The following IRS1 variants were observed in gnomAD, a reference collection of about 807,000 sequenced individuals.
IRS1 encodes the protein insulin receptor substrate 1.
A neutral mutation model predicts 65.6 loss-of-function variants in IRS1; 34 were observed. The observed-to-expected ratio is 0.52, with a 90% CI of 0.39 to 0.69. The LOEUF is 0.69. Among genes scored for constraint, IRS1 ranks in the 30% least tolerant of loss-of-function variants. The pLI, the probability that IRS1 is intolerant of heterozygous loss-of-function variation, is 0.00. For missense variants in IRS1, 1,641 were observed against 1,720.2 expected, an observed-to-expected ratio of 0.95 and a Z score of 0.81; for synonymous variants, 699 against 683.5, an observed-to-expected ratio of 1.02 and a Z score of -0.35.
chr2:226,756,963 A>T (rs1189073271), intron 1 of IRS1, among the ~76,000 whole-genome samples: 2 of 109,098 alleles, frequency 1.8e-5, no homozygotes, highest in African/African-American at 9.2e-5. Context: ...TCCGTCTAAT[A>T]AATAAATAAA....
intron 1 of IRS1, among the ~76,000 whole-genome samples, chr2:226,742,133 A>G (rs776923364): frequency 3.8e-4 from 58 of 152,218 alleles, no homozygotes; most frequent in Non-Finnish European, 6.3e-4. Context: ...GAGAGCCTCT[A>G]AAGTCTGGGA....
rs958582927 is a variant in IRS1, at chr2:226,797,837, C to T, written c.902G>A (p.Arg301His). Reference protein sequence around the residue: ...NPPPSQVGLTRRSRTESITAT... With the variant: ...NPPPSQVGLTHRSRTESITAT... The stretch of plus-strand genomic sequence containing the variant: ...GGTGATGCTCTCAGTGCGTGATCGG[C>T]GGGTCAGCCCCACCTGGCTGGGCGG... The change falls in exon 1 of 2, where the codon CGC becomes CAC. Residue 301 changes from arginine to histidine, a missense_variant. This residue lies in a region of IRS1 where 1,324 missense variants were observed against 1,361.0 expected (regional missense o/e 0.97). Coordinates refer to ENST00000305123, the MANE Select transcript of IRS1 (RefSeq NM_005544.3). The surrounding 1 kb of genome is among the most constrained non-coding windows in gnomAD (Gnocchi z 8.1). 7 of 1,599,928 alleles carry T rather than the reference C, an allele frequency of 4.4e-6. No homozygotes were observed. The highest frequency in any genetic ancestry group is 4.5e-5 in the East Asian group (2 of 44,772).
At chr2:226,748,871 A>G (rs1938613276) in intron 1 of IRS1, among the ~76,000 whole-genome samples, 1 of 152,232 alleles carries the variant, frequency 6.6e-6, no homozygotes, top group Non-Finnish European at 1.5e-5. Context: ...CAATGAACAG[A>G]ACAAGTTGAT....
Position 226,797,643 on chromosome 2 carries a change from G to A in IRS1, c.1096C>T (p.His366Tyr), listed in dbSNP as rs1274268803. 10 of 1,590,262 alleles carry A rather than the reference G, an allele frequency of 6.3e-6. No homozygotes were observed. Among genetic ancestry groups the A allele is most frequent in the South Asian group, 5.6e-5 (5 of 88,852 alleles). Residue 366 changes from histidine to tyrosine, a missense_variant, in exon 1 of 2, where the codon CAC (histidine) becomes TAC (tyrosine). Coordinates refer to ENST00000305123, the MANE Select transcript of IRS1 (RefSeq NM_005544.3). This position sits in a 1 kb window ranked among gnomAD's most constrained non-coding sequence, Gnocchi z 8.1. ...AHRHRGSARL[H>Y]PPLNHSRSIP... is the part of the protein sequence containing the mutation. ...GAGCGGCTGTGGTTGAGCGGGGGGT[G>A]CAGCCGGGCGCTGCCCCGATGCCGG... is the stretch of plus-strand genomic sequence containing the variant.
intron 1 of IRS1, among the ~76,000 whole-genome samples, chr2:226,756,532 T>G (rs72965939): frequency 7.9e-5 from 12 of 152,300 alleles, no homozygotes; most frequent in Non-Finnish European, 1.6e-4. Flanking sequence ...GGACACATGG[T>G]TTTTTAAATC....
Position 226,799,538 on chromosome 2 carries a change from C to A in IRS1, c.-800G>T. The A allele has an allele frequency of 9.3e-7, 1 of 1,073,098 alleles. No homozygotes were observed. The highest frequency in any genetic ancestry group is 1.1e-6 in the Non-Finnish European group (1 of 871,922). 66.5% of individuals were successfully genotyped at this position (1,073,098 alleles called of 1,614,324 possible). On this transcript the variant is annotated 5_prime_UTR_variant, in exon 1 of 2. Transcript: ENST00000305123. The surrounding 1 kb of genome is among the most constrained non-coding windows in gnomAD (Gnocchi z 6.1). ...GACAGACTCATCCCTGCCCCTCGCT[C>A]CAGGCGGCTGGGGAGGAGGGGAGGG...
At chr2:226,761,159 T>C (rs563206220) in intron 1 of IRS1, among the ~76,000 whole-genome samples, 7 of 152,352 alleles carry the variant, frequency 4.6e-5, no homozygotes, top group South Asian at 4.1e-4. Context: ...TATATTGAGC[T>C]ACACCACCTA....
Position 226,798,271 on chromosome 2 carries a change from T to C in IRS1, c.468A>G (p.Pro156=). ...GEDLSYGDVP[P]GPAFKEVWQV... is the part of the protein sequence containing the mutation. ...GCCAGACCTCTTTGAATGCGGGTCCTGGGGGCACGTCACCGTAGCTCAAGT... is the reference window on the plus strand; with the variant it reads ...GCCAGACCTCTTTGAATGCGGGTCCCGGGGGCACGTCACCGTAGCTCAAGT... Residue 156 remains proline, a synonymous_variant, in exon 1 of 2, where the codon CCA becomes CCG. Transcript: ENST00000305123. This position sits in a 1 kb window ranked among gnomAD's most constrained non-coding sequence, Gnocchi z 9.4. The C allele has an allele frequency of 6.2e-7, 1 of 1,613,192 alleles. No homozygotes were observed. The highest frequency in any genetic ancestry group is 8.5e-7 in the Non-Finnish European group (1 of 1,179,900).
In IRS1 at chr2:226,794,104, G is replaced by A. The variant is rs531302392; in HGVS notation, c.*21+885C>T. Among the ~76,000 whole-genome samples the A allele has an allele frequency of 6.6e-6, 1 of 152,272 alleles. No homozygotes were observed. Among genetic ancestry groups the A allele is most frequent in the African/African-American group, 2.4e-5 (1 of 41,540 alleles). Reference sequence around the variant, plus strand: ...TATGCATTCTTCTCAACAAATAAAAGTAATTTTACAGAAGATATATAGTAG... The same window carrying A: ...TATGCATTCTTCTCAACAAATAAAAATAATTTTACAGAAGATATATAGTAG... On this transcript the variant is annotated intron_variant, in intron 1 of 1. Coordinates refer to ENST00000305123, the MANE Select transcript of IRS1 (RefSeq NM_005544.3). The surrounding 1 kb of genome is among the most constrained non-coding windows in gnomAD (Gnocchi z 4.1).
In IRS1 at chr2:226,742,798, G is replaced by C. The variant is rs1370606183; in HGVS notation, c.*22-6548C>G. ...TACTGGGCTGAATTCTGTCAGTCTC[G>C]TGAATTTCTCCTTCCCCAGCTACCA... On this transcript the variant is annotated intron_variant, in intron 1 of 1. Coordinates refer to ENST00000305123, the MANE Select transcript of IRS1 (RefSeq NM_005544.3). Among the ~76,000 whole-genome samples, 3 of 151,884 alleles carry C rather than the reference G, an allele frequency of 2.0e-5. No individual in the cohort carries two copies. The South Asian group carries it at 6.2e-4, about 32-fold the overall frequency.
chr2:226,776,913 T>A (rs562663617), intron 1 of IRS1, among the ~76,000 whole-genome samples: 1 of 152,028 alleles, frequency 6.6e-6, no homozygotes, highest in South Asian at 2.1e-4. Flanking sequence ...GTGGTCTTCA[T>A]CCCCAAAACA....
chr2:226,754,489 C>T (rs1376564553), intron 1 of IRS1, among the ~76,000 whole-genome samples: 1 of 152,178 alleles, frequency 6.6e-6, no homozygotes, highest in Admixed American at 6.5e-5. Context: ...CATTATCATT[C>T]CTGTTTTAAA....
At position 226,795,334 on chromosome 2, in the gene IRS1, G is replaced by C; in HGVS notation, c.3405C>G (p.Ser1135Arg). ...CAGAGCTGTGGCGTTTCACATCCTC[G>C]CTGCTGCTGCTGCTACCGCCACCGC... ...VGGGGGSSSS[S>R]EDVKRHSSAS... Residue 1135 changes from serine to arginine, a missense_variant, in exon 1 of 2, where the codon AGC (serine) becomes AGG (arginine). Transcript: ENST00000305123. 1.2e-6 allele frequency: 2 copies of C among 1,611,614 alleles called. No individual in the cohort carries two copies. The highest frequency in any genetic ancestry group is 1.7e-6 in the Non-Finnish European group (2 of 1,179,238).
intron 1 of IRS1, among the ~76,000 whole-genome samples, chr2:226,761,598 T>C (rs1270415012): frequency 1.3e-5 from 2 of 152,190 alleles, no homozygotes; most frequent in African/African-American, 4.8e-5. Context: ...TATCAAACTT[T>C]AAATCGAATA....
intron 1 of IRS1, among the ~76,000 whole-genome samples, chr2:226,793,276 T>G (rs1939644617): frequency 6.6e-6 from 1 of 152,182 alleles, no homozygotes; most frequent in Non-Finnish European, 1.5e-5. Context: ...AAAACCAAAA[T>G]TTTAGTTCTG....
chr2:226,799,502 C>G lies in IRS1; in HGVS notation c.-764G>C. 1 of 1,139,042 alleles carries G rather than the reference C, an allele frequency of 8.8e-7. No homozygotes were observed. The highest frequency in any genetic ancestry group is 1.1e-6 in the Non-Finnish European group (1 of 907,988). 70.6% of individuals were successfully genotyped at this position (1,139,042 alleles called of 1,614,324 possible). ...ACCGGGCAGCCACTGCAGCTGGGGA[C>G]CGGCCGGAGGGACAGACTCATCCCT... On this transcript the variant is annotated 5_prime_UTR_variant, in exon 1 of 2. Transcript: ENST00000305123. The surrounding 1 kb of genome is among the most constrained non-coding windows in gnomAD (Gnocchi z 6.1).
Position 226,796,588 on chromosome 2 carries a change from TG to T in IRS1, c.2150del (p.Pro717GlnfsTer17). The T allele has an allele frequency of 6.2e-7, 1 of 1,613,996 alleles. No individual in the cohort carries two copies. Among genetic ancestry groups the T allele is most frequent in the Non-Finnish European group, 8.5e-7 (1 of 1,179,958 alleles). On this transcript the variant is annotated frameshift_variant, in exon 1 of 2. Transcript: ENST00000305123. LOFTEE classifies it high-confidence loss of function. ...AGAGCTTACCACCGCTGCTCTCCAC[TG>T]GGGGTTTGGGGTGAGGCAAGACATG... ...HSHVLPHPKP[P>X]VESSGGKLLP... is the part of the protein sequence containing the mutation.
chr2:226,767,530 A>T (rs2106170101), intron 1 of IRS1, among the ~76,000 whole-genome samples: 1 of 152,320 alleles, frequency 6.6e-6, no homozygotes, highest in South Asian at 2.1e-4. Flanking sequence ...TGCTTTAAAG[A>T]AACCAGAGCA....
In IRS1 at chr2:226,797,800, C is replaced by T. The variant is rs1939775272; in HGVS notation, c.939G>A (p.Pro313=). ...SRTESITATS[P]ASMVGGKPGS... ...CTGGCTTCCCGCCCACCATGCTGGC[C>T]GGGGAGGTGGCGGTGATGCTCTCAG... Residue 313 remains proline, a synonymous_variant, in exon 1 of 2, where the codon CCG becomes CCA. Transcript: ENST00000305123. This position sits in a 1 kb window ranked among gnomAD's most constrained non-coding sequence, Gnocchi z 8.1. The T allele has an allele frequency of 1.3e-6, 2 of 1,599,398 alleles. No individual in the cohort carries two copies. The highest frequency in any genetic ancestry group is 8.5e-7 in the Non-Finnish European group (1 of 1,174,450).
Sources: allele counts gnomAD v4.1 joint callset (sites outside exome capture counted in the v4.1 genomes callset), GRCh38; gene constraint gnomAD v4.1.1; regional missense constraint gnomAD v4.1.1; non-coding constraint Gnocchi (gnomAD v3.1); transcripts MANE v1.5; gene names NCBI Gene and HGNC (gene_info 2026-07-23, HGNC 2026-07-21).